The following TRAPPC9 variants were observed in gnomAD, a reference collection of about 807,000 sequenced individuals.
TRAPPC9 encodes IKK2 binding protein.
In TRAPPC9, 83 loss-of-function variants were observed where a neutral mutation model predicts 124.0. The observed-to-expected ratio is 0.67, with a 90% confidence interval of 0.56 to 0.80. TRAPPC9 has a LOEUF of 0.80. Ranked by LOEUF, TRAPPC9 falls within the 30% of genes least tolerant of loss-of-function variation. The pLI is 0.00. For synonymous variants in TRAPPC9, 638 were observed against 617.5 expected, an observed-to-expected ratio of 1.03 and a Z score of -0.49; for missense variants, 1,302 against 1,508.3, an observed-to-expected ratio of 0.86 and a Z score of 2.27.
At chr8:139,883,512 A>G (rs920398870) in intron 21 of TRAPPC9, among the ~76,000 whole-genome samples, 6 of 152,198 alleles carry the variant, frequency 3.9e-5, no homozygotes, top group Non-Finnish European at 8.8e-5. Flanking sequence ...TGCAGCTTCC[A>G]GGCTGTTCTG....
At chr8:140,274,468 G>A (rs898944956) in intron 15 of TRAPPC9, among the ~76,000 whole-genome samples, 4 of 152,220 alleles carry the variant, frequency 2.6e-5, no homozygotes, top group African/African-American at 2.4e-5. Context: ...GACACGGACC[G>A]GGAGAATGGG....
Position 140,315,803 on chromosome 8 carries a change from T to C in TRAPPC9, c.1496-4429A>G, listed in dbSNP as rs2066428399. On this transcript the variant is annotated intron_variant, in intron 9 of 22. Transcript: ENST00000438773. The stretch of plus-strand genomic sequence containing the variant: ...GGTATAAAAATTACACAGGAAACAC[T>C]GTCAAATATGAAATGGTGTTTAGTT... Among the ~76,000 whole-genome samples, 7 of 152,332 alleles carry C rather than the reference T, an allele frequency of 4.6e-5. No individual in the cohort carries two copies. The South Asian group carries it at 1.5e-3, about 32-fold the overall frequency.
chr8:139,838,243 C>T (rs1171787956), intron 21 of TRAPPC9, among the ~76,000 whole-genome samples: 1 of 152,216 alleles, frequency 6.6e-6, no homozygotes, highest in African/African-American at 2.4e-5. Context: ...CAGGAGGCTT[C>T]CCCTGCCCCC....
chr8:140,000,959 A>G (rs142556628), intron 18 of TRAPPC9, among the ~76,000 whole-genome samples: 7,308 of 152,314 alleles, frequency 0.048, 261 homozygotes, highest in Middle Eastern at 0.1. Flanking sequence ...ACTATTCACA[A>G]TAGCAAAGAC....
chr8:140,264,121 C>T (rs1046175182), intron 15 of TRAPPC9, among the ~76,000 whole-genome samples: 77 of 152,158 alleles, frequency 5.1e-4, no homozygotes, highest in African/African-American at 1.8e-3. Context: ...AATAAAAGCA[C>T]CTCGGAAACA....
chr8:140,233,468 T>A (rs753903277), intron 16 of TRAPPC9, among the ~76,000 whole-genome samples: 1 of 152,082 alleles, frequency 6.6e-6, no homozygotes, highest in African/African-American at 2.4e-5. Flanking sequence ...CCTCTCAAAG[T>A]ACTGGGATTA....
chr8:140,207,921 G>T, intron 17 of TRAPPC9, among the ~76,000 whole-genome samples: 1 of 152,176 alleles, frequency 6.6e-6, no homozygotes, highest in East Asian at 1.9e-4. Flanking sequence ...GGAGGCCAAG[G>T]CGGGAGGATC....
Position 140,195,108 on chromosome 8 carries a change from T to C in TRAPPC9, c.2556+26351A>G, listed in dbSNP as rs557034859. Among the ~76,000 whole-genome samples, 51 of 151,590 alleles carry C rather than the reference T, an allele frequency of 3.4e-4. 1 individual carries two copies. In the South Asian group the frequency reaches 0.01, roughly 31 times the overall value. On this transcript the variant is annotated intron_variant, in intron 17 of 22. Transcript: ENST00000438773. ...GGATCCACCATACAGATCATACCTG[T>C]GAAACTAAAACACACTCAACGATCC...
At chr8:139,881,512 CA>C in intron 21 of TRAPPC9, among the ~76,000 whole-genome samples, 1 of 152,288 alleles carries the variant, frequency 6.6e-6, no homozygotes, top group African/African-American at 2.4e-5. Context: ...TCCAAACTAG[CA>C]AATAGACCTG....
At chr8:140,012,114 A>G (rs1839177805) in intron 18 of TRAPPC9, among the ~76,000 whole-genome samples, 1 of 152,216 alleles carries the variant, frequency 6.6e-6, no homozygotes, top group South Asian at 2.1e-4. Context: ...CCGGCCAGGC[A>G]TACATTTTGT....
rs1452575783 is a variant in TRAPPC9, at chr8:140,028,906, GATAA to G, written c.2557-4831_2557-4828del. On this transcript the variant is annotated intron_variant, in intron 17 of 22. Transcript: ENST00000438773. ...ATTAGACAATTATCAATTGAAAATG[GATAA>G]ATAATGGAAAAAAACAACTATACTA... 1.1e-4 allele frequency among the ~76,000 whole-genome samples: 17 copies of G among 152,124 alleles called. No homozygotes were observed. The South Asian group carries it at 2.3e-3, about 20-fold the overall frequency.
At chr8:140,102,950 G>A (rs1237293930) in intron 17 of TRAPPC9, among the ~76,000 whole-genome samples, 4 of 152,192 alleles carry the variant, frequency 2.6e-5, no homozygotes, top group African/African-American at 9.6e-5. Context: ...AGTGTCTGAA[G>A]CGCCAGGATC....
In TRAPPC9 at chr8:140,144,117, C is replaced by A. The variant is rs756251860; in HGVS notation, c.2556+77342G>T. Among the ~76,000 whole-genome samples, 12 of 152,310 alleles carry A rather than the reference C, an allele frequency of 7.9e-5. 1 individual carries two copies. The Middle Eastern group carries it at 0.01, about 130-fold the overall frequency. ...TTTATAAGCCTTAATATCTAATAGGCCAAGACCCCTTAACTTGGCCACATC... is the reference window on the plus strand; with the variant it reads ...TTTATAAGCCTTAATATCTAATAGGACAAGACCCCTTAACTTGGCCACATC... On this transcript the variant is annotated intron_variant, in intron 17 of 22. Transcript: ENST00000438773.
rs561724088 is a variant in TRAPPC9 at position 139,776,737 on chromosome 8, C to T, written c.3056-44535G>A. Among the ~76,000 whole-genome samples, 60 of 152,234 alleles carry T rather than the reference C, an allele frequency of 3.9e-4. No individual in the cohort carries two copies. Among genetic ancestry groups the T allele is most frequent in the African/African-American group, 1.4e-3 (59 of 41,534 alleles). ...CAAGAGCTTGGTGTAGGACAGGCTC[C>T]CCAGCTAACAAAAGGAATGATAAAT... is the stretch of plus-strand genomic sequence containing the variant. On this transcript the variant is annotated intron_variant, in intron 21 of 22. Coordinates refer to ENST00000438773, the MANE Select transcript of TRAPPC9 (RefSeq NM_001160372.4). This position sits in a 1 kb window ranked among gnomAD's most constrained non-coding sequence, Gnocchi z 4.1.
chr8:140,331,101 G>A (rs2066882707), intron 9 of TRAPPC9, among the ~76,000 whole-genome samples: 1 of 151,326 alleles, frequency 6.6e-6, no homozygotes. Context: ...AAAACATCAT[G>A]GTACTGGCAT....
intron 19 of TRAPPC9, among the ~76,000 whole-genome samples, chr8:139,953,177 G>A (rs149753859): frequency 7.9e-4 from 121 of 152,332 alleles, no homozygotes; most frequent in African/African-American, 2.8e-3. Context: ...TTTAAGATAC[G>A]TAAAACCTAC....
intron 21 of TRAPPC9, among the ~76,000 whole-genome samples, chr8:139,744,991 G>A (rs576574062): frequency 1.3e-5 from 2 of 152,332 alleles, no homozygotes; most frequent in East Asian, 3.9e-4. Flanking sequence ...CCCCTGTGGA[G>A]GGGAGACCCC....
At chr8:140,245,467 G>A (rs533574912) in intron 16 of TRAPPC9, among the ~76,000 whole-genome samples, 33 of 61,144 alleles carry the variant, frequency 5.4e-4, no homozygotes, top group African/African-American at 2.9e-3. Context: ...GTTTTGTGGT[G>A]TGTGTGTGTG....
chr8:140,002,555 G>A (rs530844595), intron 18 of TRAPPC9, among the ~76,000 whole-genome samples: 10 of 151,830 alleles, frequency 6.6e-5, no homozygotes, highest in African/African-American at 1.4e-4. Context: ...TAGAGGATTC[G>A]ACCCAATTTT....
Sources: allele counts gnomAD v4.1 joint callset (sites outside exome capture counted in the v4.1 genomes callset), GRCh38; gene constraint gnomAD v4.1.1; non-coding constraint Gnocchi (gnomAD v3.1); transcripts MANE v1.5; gene names NCBI Gene and HGNC (gene_info 2026-07-23, HGNC 2026-07-21).